GSN: variants seen among roughly 807,000 people sequenced by gnomAD.
GSN encodes the protein gelsolin.
Under a neutral mutation model 85.7 loss-of-function variants are expected in GSN, and 56 were observed. That is an observed-to-expected ratio of 0.65 (90% CI 0.53 to 0.82). The LOEUF is 0.82. Ranked by LOEUF, GSN falls within the 40% of genes least tolerant of loss-of-function variation. The pLI, the probability that GSN is intolerant of heterozygous loss-of-function variation, is 0.00. For missense variants in GSN, 857 were observed against 979.8 expected (o/e 0.87, Z 1.67); for synonymous variants, 373 against 399.1 (o/e 0.93, Z 0.78).
At chr9:121,245,515 C>T (rs1348848889) in intron 5 of GSN, among the ~76,000 whole-genome samples, 1 of 152,152 alleles carries the variant, frequency 6.6e-6, no homozygotes, top group Non-Finnish European at 1.5e-5. Flanking sequence ...CACCACCATG[C>T]CCAGTTAATT....
At chr9:121,239,050 A>G in intron 5 of GSN, 1 of 426,824 alleles carries the variant, frequency 2.3e-6, no homozygotes, top group Non-Finnish European at 4.6e-6. Flanking sequence ...AGATGGGTGA[A>G]TGATATCGTT....
At chr9:121,291,699 T>C (rs1464378954) in intron 2 of GSN, among the ~76,000 whole-genome samples, 1 of 151,664 alleles carries the variant, frequency 6.6e-6, no homozygotes, top group Non-Finnish European at 1.5e-5. Context: ...GAATTACAGG[T>C]GTGAGCCACT....
intron 6 of GSN, among the ~76,000 whole-genome samples, chr9:121,262,477 T>C (rs72760278): frequency 6.6e-6 from 1 of 152,334 alleles, no homozygotes; most frequent in Non-Finnish European, 1.5e-5. Context: ...ATAATTATGC[T>C]TTTAGTTATT....
chr9:121,324,548 T>G lies in GSN; in HGVS notation c.1326-6T>G. The G allele has an allele frequency of 6.7e-7, 1 of 1,483,552 alleles. No individual in the cohort carries two copies. The highest frequency in any genetic ancestry group is 2.5e-5 in the East Asian group (1 of 40,650). 91.9% of individuals were successfully genotyped at this position (1,483,552 alleles called of 1,614,324 possible). ...CCCTGATGCTGAATCTCACTTCCCC[T>G]TCCAGGCAGGGTGCCCAGTCTACCC... On this transcript the variant is annotated splice_polypyrimidine_tract_variant and splice_region_variant and intron_variant, in intron 11 of 17. Transcript: ENST00000432226.
intron 4 of GSN, among the ~76,000 whole-genome samples, chr9:121,216,242 C>T (rs1335683801): frequency 2.0e-5 from 3 of 152,150 alleles, no homozygotes; most frequent in Admixed American, 6.5e-5. Flanking sequence ...GCCACTGCAC[C>T]CGGCCCATCA....
At chr9:121,231,919 T>C (rs1336252128) in intron 5 of GSN, among the ~76,000 whole-genome samples, 1 of 151,930 alleles carries the variant, frequency 6.6e-6, no homozygotes, top group East Asian at 1.9e-4. Flanking sequence ...ATATAAAAAT[T>C]AGCCAGTCAT....
chr9:121,321,931 C>CG (rs2062519696), intron 11 of GSN, among the ~76,000 whole-genome samples: 1 of 151,958 alleles, frequency 6.6e-6, no homozygotes, highest in Non-Finnish European at 1.5e-5. Flanking sequence ...TTAGTAAAGA[C>CG]GGGGTTTCAC....
chr9:121,219,940 G>A, intron 4 of GSN, among the ~76,000 whole-genome samples: 1 of 151,288 alleles, frequency 6.6e-6, no homozygotes, highest in Non-Finnish European at 1.5e-5. Flanking sequence ...GGAGTGCAAT[G>A]GCGCGATCTC....
chr9:121,254,659 T>G (rs1314872830), intron 6 of GSN, among the ~76,000 whole-genome samples: 1 of 152,258 alleles, frequency 6.6e-6, no homozygotes. Flanking sequence ...CAAAGATGAA[T>G]TCTTCTGCTA....
chr9:121,299,862 A>G lies in GSN; in HGVS notation c.-9-2101A>G, dbSNP rs1343918727. 7.4e-6 allele frequency: 10 copies of G among 1,353,382 alleles called. No homozygotes were observed. The highest frequency in any genetic ancestry group is 2.7e-4 in the Middle Eastern group (1 of 3,692). The allele number at this position is 1,353,382 out of a possible 1,614,324, so 83.8% of individuals were successfully genotyped here. On this transcript the variant is annotated intron_variant, in intron 2 of 17. Transcript: ENST00000432226. The surrounding 1 kb of genome is among the most constrained non-coding windows in gnomAD (Gnocchi z 4.2). ...TGGGTCCCCTGCCGCTGTCGCCACC[A>G]TGGCTCCGCACCGCCCCGCGCCCGC...
At chr9:121,226,045 C>T (rs1439571147) in intron 4 of GSN, among the ~76,000 whole-genome samples, 1 of 152,158 alleles carries the variant, frequency 6.6e-6, no homozygotes, top group East Asian at 1.9e-4. Context: ...CCTTGTGATT[C>T]CCCCCACCTC....
Position 121,301,998 on chromosome 9 carries a change from C to T in GSN, c.27C>T (p.Leu9=), listed in dbSNP as rs1564478641. Residue 9 remains leucine (L), a synonymous_variant, in exon 3 of 18, where the codon CTC becomes CTT. Coordinates refer to ENST00000432226, the MANE Select transcript of GSN (RefSeq NM_198252.3). ...TGGTGGTGGAACACCCCGAGTTCCT[C>T]AAGGCAGGGAAGGAGCCTGGCCTGC... MVVEHPEF[L]KAGKEPGLQI... The T allele has an allele frequency of 6.2e-6, 10 of 1,614,232 alleles. No individual in the cohort carries two copies. In the East Asian group the frequency reaches 1.6e-4, roughly 25 times the overall value.
intron 4 of GSN, chr9:121,309,781 C>T (rs1200933584): frequency 6.6e-6 from 1 of 151,946 alleles, no homozygotes; most frequent in Non-Finnish European, 1.5e-5. Context: ...ATAGTGAGAC[C>T]CCATGTCTAC....
chr9:121,267,453 T>A (rs1430332171), upstream of GSN, among the ~76,000 whole-genome samples: 1 of 152,122 alleles, frequency 6.6e-6, no homozygotes, highest in Non-Finnish European at 1.5e-5. Flanking sequence ...TCTCACTGAG[T>A]CTTCTCAACC....
chr9:121,303,124 A>C, intron 4 of GSN, 59 bp downstream of exon 4: 181 of 1,528,380 alleles, frequency 1.2e-4, no homozygotes, highest in Non-Finnish European at 1.5e-4. Flanking sequence ...AACAGGGCTC[A>C]CTCAGGCCCA....
intron 5 of GSN, among the ~76,000 whole-genome samples, chr9:121,237,231 C>T (rs2054513003): frequency 6.6e-6 from 1 of 152,274 alleles, no homozygotes; most frequent in South Asian, 2.1e-4. Flanking sequence ...TTTTGCTCAT[C>T]TATTTATTGT....
At chr9:121,310,376 C>T in intron 4 of GSN, 1 of 413,416 alleles carries the variant, frequency 2.4e-6, no homozygotes, top group Non-Finnish European at 4.5e-6. Flanking sequence ...CTACAGGGGT[C>T]CTTGTTAGTG....
Position 121,318,984 on chromosome 9 carries a change from C to T in GSN, c.1191+104C>T. The T allele has an allele frequency of 1.1e-6, 1 of 909,424 alleles. No homozygotes were observed. 56.3% of individuals were successfully genotyped at this position (909,424 alleles called of 1,614,324 possible). A position where few individuals can be genotyped will look rare whatever the true frequency, so the allele number is the denominator to read the frequency against. On this transcript the variant is annotated intron_variant, in intron 10 of 17. Coordinates refer to ENST00000432226, the MANE Select transcript of GSN (RefSeq NM_198252.3). This position sits in a 1 kb window ranked among gnomAD's most constrained non-coding sequence, Gnocchi z 4.3. Reference sequence around the variant, plus strand: ...AGGTTTCTCTCTGAGGTTTGCACAACTTTGGTAGCTGAGATTCTTTGGTGT... The same window carrying T: ...AGGTTTCTCTCTGAGGTTTGCACAATTTTGGTAGCTGAGATTCTTTGGTGT...
At chr9:121,210,920 T>G (rs2053957963) in intron 4 of GSN, 1 of 152,182 alleles carries the variant, frequency 6.6e-6, no homozygotes, top group African/African-American at 2.4e-5. Flanking sequence ...TGAGTGTCCA[T>G]TGAGGAATGA....
Sources: allele counts gnomAD v4.1 joint callset (sites outside exome capture counted in the v4.1 genomes callset), GRCh38; gene constraint gnomAD v4.1.1; non-coding constraint Gnocchi (gnomAD v3.1); transcripts MANE v1.5; gene names NCBI Gene and HGNC (gene_info 2026-07-23, HGNC 2026-07-21).